Variants in CLSTN2 observed in about 807,000 individuals in gnomAD.
CLSTN2 encodes the protein calsyntenin-2.
A neutral mutation model predicts 101.2 loss-of-function variants in CLSTN2; 48 were observed. That is an observed-to-expected ratio of 0.47 (90% CI 0.38 to 0.60). The LOEUF is 0.60. Among genes scored for constraint, CLSTN2 ranks in the 20% least tolerant of loss-of-function variants. The pLI, the probability that CLSTN2 is intolerant of heterozygous loss-of-function variation, is 0.00. For synonymous variants in CLSTN2, 481 were observed against 463.6 expected (o/e 1.04, Z -0.48); for missense variants, 1,160 against 1,238.2 (o/e 0.94, Z 0.95).
intron 2 of CLSTN2, among the ~76,000 whole-genome samples, chr3:140,225,560 C>T (rs1004388021): frequency 6.6e-5 from 10 of 152,054 alleles, no homozygotes; most frequent in Admixed American, 5.9e-4. Context: ...TACAGTGGCG[C>T]GATATCGGCT....
chr3:140,123,484 G>T (rs979662170), intron 1 of CLSTN2, among the ~76,000 whole-genome samples: 1 of 152,172 alleles, frequency 6.6e-6, no homozygotes, highest in South Asian at 2.1e-4. Flanking sequence ...GAGTGCCTCT[G>T]CATGCCAAGC....
Position 140,448,716 on chromosome 3 carries a change from C to G in CLSTN2, c.973+12C>G. 1 of 1,594,868 alleles carries G rather than the reference C, an allele frequency of 6.3e-7. No homozygotes were observed. Among genetic ancestry groups the G allele is most frequent in the Non-Finnish European group, 8.6e-7 (1 of 1,165,692 alleles). On this transcript the variant is annotated intron_variant, in intron 6 of 16. Coordinates refer to ENST00000458420, the MANE Select transcript of CLSTN2 (RefSeq NM_022131.3). ...TCAAAAGTTATGTGGTAGGTTTTTC[C>G]CTTTTGGGATTTTAAAAATCAATTG...
At chr3:140,519,302 C>T (rs566227124) in intron 8 of CLSTN2, among the ~76,000 whole-genome samples, 1 of 152,192 alleles carries the variant, frequency 6.6e-6, no homozygotes, top group Admixed American at 6.5e-5. Flanking sequence ...AATGCATATT[C>T]TTGAGGTGGA....
intron 1 of CLSTN2, among the ~76,000 whole-genome samples, chr3:139,938,138 C>CAGAA (rs1200181845): frequency 1.2e-5 from 1 of 82,474 alleles, no homozygotes; most frequent in African/African-American, 3.9e-5. Context: ...TTATTCCCAT[C>CAGAA]ACAAAAAAAA....
chr3:140,262,625 A>T (rs185766718), intron 2 of CLSTN2, among the ~76,000 whole-genome samples: 18 of 152,242 alleles, frequency 1.2e-4, no homozygotes, highest in Admixed American at 2.6e-4. Flanking sequence ...AGTGAAGTGG[A>T]ATTTCAGGTG....
chr3:140,067,983 C>T (rs2008327488), intron 1 of CLSTN2, among the ~76,000 whole-genome samples: 1 of 152,200 alleles, frequency 6.6e-6, no homozygotes, highest in South Asian at 2.1e-4. Flanking sequence ...GTGGCTCATT[C>T]CAGGCTCTGT....
intron 2 of CLSTN2, among the ~76,000 whole-genome samples, chr3:140,265,875 T>C (rs1193308175): frequency 1.3e-5 from 2 of 152,190 alleles, no homozygotes; most frequent in Admixed American, 1.3e-4. Flanking sequence ...CCTCTTGTGA[T>C]ATGATCCGAT....
At chr3:140,423,397 T>C (rs2088527472) in intron 5 of CLSTN2, among the ~76,000 whole-genome samples, 1 of 152,164 alleles carries the variant, frequency 6.6e-6, no homozygotes, top group South Asian at 2.1e-4. Context: ...GGCAGGCATT[T>C]AGCAAGTGTT....
chr3:140,311,537 C>T (rs2087168802), intron 2 of CLSTN2, among the ~76,000 whole-genome samples: 1 of 150,090 alleles, frequency 6.7e-6, no homozygotes, highest in Non-Finnish European at 1.5e-5. Flanking sequence ...TTCTTGAAAT[C>T]CTGACTTCAA....
At chr3:140,412,712 G>A (rs1017382656) in intron 4 of CLSTN2, among the ~76,000 whole-genome samples, 1 of 152,084 alleles carries the variant, frequency 6.6e-6, no homozygotes, top group African/African-American at 2.4e-5. Context: ...AACCATGACG[G>A]TATGAAACTA....
At chr3:140,526,275 C>T (rs1340055976) in intron 8 of CLSTN2, among the ~76,000 whole-genome samples, 1 of 152,024 alleles carries the variant, frequency 6.6e-6, no homozygotes, top group Non-Finnish European at 1.5e-5. Flanking sequence ...CAATAATGTT[C>T]TAGCTGAGAA....
At chr3:140,171,819 A>G (rs1365270577) in intron 1 of CLSTN2, among the ~76,000 whole-genome samples, 2 of 99,056 alleles carry the variant, frequency 2.0e-5, no homozygotes, top group African/African-American at 4.0e-5. Context: ...TATATTATAT[A>G]TTATATATAA....
At chr3:140,155,369 C>T (rs528525140) in intron 1 of CLSTN2, among the ~76,000 whole-genome samples, 2 of 152,266 alleles carry the variant, frequency 1.3e-5, no homozygotes, top group East Asian at 3.9e-4. Context: ...AATCAAGGTA[C>T]ATCCTAGGGT....
chr3:139,960,903 G>T (rs1935496599), intron 1 of CLSTN2, among the ~76,000 whole-genome samples: 1 of 152,156 alleles, frequency 6.6e-6, no homozygotes, highest in Non-Finnish European at 1.5e-5. Context: ...TTATTAAATA[G>T]GTCTTGAAAA....
In CLSTN2 at chr3:140,408,154, G is replaced by A. The variant is rs576520119; in HGVS notation, c.637+3388G>A. Among the ~76,000 whole-genome samples, 30 of 152,276 alleles carry A rather than the reference G, an allele frequency of 2.0e-4. No homozygotes were observed. In the South Asian group the frequency reaches 5.8e-3, roughly 29 times the overall value. On this transcript the variant is annotated intron_variant, in intron 4 of 16. Transcript: ENST00000458420. The stretch of plus-strand genomic sequence containing the variant: ...TAGGAAGAACAGTTTCATCTTGCAT[G>A]CATCATCCCATCCCCCAGACCAGAA...
intron 2 of CLSTN2, among the ~76,000 whole-genome samples, chr3:140,263,848 T>A (rs373336622): frequency 6.6e-6 from 1 of 152,310 alleles, no homozygotes; most frequent in Admixed American, 6.5e-5. Flanking sequence ...CTCTTGATAG[T>A]CTGAAAACAA....
At chr3:139,940,667 T>C (rs1312510533) in intron 1 of CLSTN2, among the ~76,000 whole-genome samples, 1 of 152,118 alleles carries the variant, frequency 6.6e-6, no homozygotes, top group South Asian at 2.1e-4. Context: ...TGCACCTGTG[T>C]GTAAATATCA....
At chr3:140,266,817 G>A (rs2086697193) in intron 2 of CLSTN2, among the ~76,000 whole-genome samples, 1 of 152,156 alleles carries the variant, frequency 6.6e-6, no homozygotes, top group African/African-American at 2.4e-5. Context: ...TGTTCCACCT[G>A]GCCATGGTGT....
chr3:140,000,896 A>G (rs2006820577), intron 1 of CLSTN2, among the ~76,000 whole-genome samples: 1 of 152,190 alleles, frequency 6.6e-6, no homozygotes, highest in Non-Finnish European at 1.5e-5. Flanking sequence ...ACAGTCCAGT[A>G]TTAGGGGCCT....
Sources: gnomAD v4.1 joint callset for allele counts (sites outside exome capture counted in the v4.1 genomes callset) on GRCh38, gnomAD v4.1.1 for gene constraint, MANE v1.5 for transcripts, NCBI Gene and HGNC (gene_info 2026-07-23, HGNC 2026-07-21) for gene names.